Variants in NMRK1 observed in about 807,000 individuals in gnomAD.
NMRK1 encodes nicotinamide riboside kinase 1, also known as NRK 1.
In NMRK1, 28 loss-of-function variants were observed where a neutral mutation model predicts 29.9. That is an observed-to-expected ratio of 0.94 (90% CI 0.69 to 1.28). The LOEUF is 1.28. NMRK1 is among the 50% of genes most tolerant of loss of function. The probability of loss-of-function intolerance (pLI) is 0.00; values close to 1 mark genes in which losing one functional copy is unlikely to be tolerated. For missense variants in NMRK1, 218 were observed against 233.1 expected, an observed-to-expected ratio of 0.94 and a Z score of 0.42; for synonymous variants, 58 against 73.0, an observed-to-expected ratio of 0.79 and a Z score of 1.05.
At chr9:75,074,664 A>T (rs1823892413) in intron 4 of NMRK1, among the ~76,000 whole-genome samples, 1 of 152,192 alleles carries the variant, frequency 6.6e-6, no homozygotes, top group South Asian at 2.1e-4. Context: ...CTGGGCTTAC[A>T]GGTGTGAGCC....
chr9:75,071,141 T>G (rs926044103), intron 4 of NMRK1, among the ~76,000 whole-genome samples: 2 of 152,202 alleles, frequency 1.3e-5, no homozygotes, highest in African/African-American at 4.8e-5. Flanking sequence ...ATATGAATAT[T>G]AGATCTTTCA....
intron 2 of NMRK1, 87 bp downstream of exon 2, chr9:75,083,000 C>T: frequency 1.0e-6 from 1 of 962,192 alleles, no homozygotes; most frequent in Non-Finnish European, 1.7e-6. Flanking sequence ...ATCCTCACTG[C>T]TTCTCCGTCC....
At chr9:75,085,438 A>G (rs146267258) in intron 1 of NMRK1, among the ~76,000 whole-genome samples, 3 of 152,334 alleles carry the variant, frequency 2.0e-5, no homozygotes, top group African/African-American at 7.2e-5. Context: ...TGCTAGCTTA[A>G]TTGTCAGGCT....
At chr9:75,065,939 T>C (rs1395874355) in intron 8 of NMRK1, among the ~76,000 whole-genome samples, 6 of 152,234 alleles carry the variant, frequency 3.9e-5, no homozygotes, top group Non-Finnish European at 8.8e-5. Flanking sequence ...CTGGGACTGA[T>C]GGACCTAGGA....
chr9:75,084,086 C>T (rs986438548), intron 1 of NMRK1, among the ~76,000 whole-genome samples: 2 of 152,214 alleles, frequency 1.3e-5, no homozygotes, highest in East Asian at 1.9e-4. Context: ...GCCTCCCTAA[C>T]GTTCACTAAA....
intron 1 of NMRK1, among the ~76,000 whole-genome samples, chr9:75,083,739 G>T (rs1824455351): frequency 6.6e-6 from 1 of 152,168 alleles, no homozygotes; most frequent in South Asian, 2.1e-4. Flanking sequence ...GGCCTGGCTA[G>T]GTACATTTTT....
intron 6 of NMRK1, 195 bp downstream of exon 6, chr9:75,069,547 C>T (rs1434347617): frequency 1.4e-5 from 8 of 555,784 alleles, no homozygotes; most frequent in Non-Finnish European, 2.2e-5. Flanking sequence ...AGGCCCTTTT[C>T]TTAGAAAGTA....
chr9:75,084,037 G>A (rs1824475247), intron 1 of NMRK1, among the ~76,000 whole-genome samples: 1 of 152,198 alleles, frequency 6.6e-6, no homozygotes, highest in Admixed American at 6.5e-5. Context: ...ACTGTTTTGT[G>A]GATTTTTGGT....
chr9:75,068,186 C>T (rs1021559028), intron 7 of NMRK1, among the ~76,000 whole-genome samples: 2 of 152,164 alleles, frequency 1.3e-5, no homozygotes, highest in African/African-American at 2.4e-5. Context: ...TGAGTGCGGG[C>T]GTCCAACATC....
Position 75,069,993 on chromosome 9 carries a change from C to T in NMRK1, c.219G>A (p.Trp73Ter), listed in dbSNP as rs191532264. The change falls in exon 5 of 9, where the codon TGG becomes TGA. Residue 73 changes from tryptophan to a stop codon, truncating the protein, a stop_gained. Transcript: ENST00000361092. LOFTEE classifies it high-confidence loss of function. ...MEKMMSAISC[W>*]MESARHSVVS... Reference sequence around the variant, plus strand: ...CCACAGAGTGTCTTGCGCTTTCCATCCAGCAGGAAATGGCTGACATCATTT... The same window carrying T: ...CCACAGAGTGTCTTGCGCTTTCCATTCAGCAGGAAATGGCTGACATCATTT... The T allele has an allele frequency of 1.9e-4, 300 of 1,613,736 alleles. 1 individual carries two copies. Among genetic ancestry groups the T allele is most frequent in the Non-Finnish European group, 1.0e-5 (12 of 1,179,828 alleles).
At chr9:75,069,389 T>C (rs1373894288) in intron 6 of NMRK1, 1 of 474,198 alleles carries the variant, frequency 2.1e-6, no homozygotes, top group Admixed American at 3.8e-5. Context: ...TAAATAACAA[T>C]GGAGAGACCA....
At chr9:75,079,660 A>C (rs1467391602) in intron 2 of NMRK1, among the ~76,000 whole-genome samples, 2 of 152,224 alleles carry the variant, frequency 1.3e-5, no homozygotes, top group African/African-American at 4.8e-5. Context: ...ATCCACACTC[A>C]GACTGCAGAC....
intron 2 of NMRK1, chr9:75,078,264 G>C: frequency 6.5e-7 from 1 of 1,547,516 alleles, no homozygotes; most frequent in Non-Finnish European, 8.7e-7. Flanking sequence ...TATGGTCACT[G>C]TGATTTTGCC....
intron 4 of NMRK1, among the ~76,000 whole-genome samples, chr9:75,075,447 A>T (rs896551538): frequency 6.6e-6 from 1 of 152,222 alleles, no homozygotes; most frequent in African/African-American, 2.4e-5. Context: ...TGTCTGTAAG[A>T]ACTGATTGAT....
chr9:75,082,927 C>A, intron 2 of NMRK1, 160 bp downstream of exon 2: 1 of 610,480 alleles, frequency 1.6e-6, no homozygotes, highest in East Asian at 2.7e-5. Context: ...CTCTTGTTGG[C>A]ATTTATGAAG....
At chr9:75,066,694 T>C (rs1823370911) in intron 8 of NMRK1, 63 bp downstream of exon 8, 3 of 884,558 alleles carry the variant, frequency 3.4e-6, no homozygotes, top group East Asian at 2.4e-5. Context: ...TTCTTTCATA[T>C]GTAATGAATG....
intron 7 of NMRK1, among the ~76,000 whole-genome samples, chr9:75,068,614 G>A (rs557540410): frequency 1.8e-4 from 28 of 152,272 alleles, no homozygotes; most frequent in South Asian, 6.2e-4. Flanking sequence ...CCGGGATCTC[G>A]GCAGTCCCCT....
intron 8 of NMRK1, chr9:75,066,171 G>C (rs552341555): frequency 6.7e-6 from 3 of 450,848 alleles, no homozygotes; most frequent in South Asian, 5.0e-5. Flanking sequence ...TCCAACAATG[G>C]AACACTAGGC....
intron 2 of NMRK1, 199 bp downstream of exon 2, chr9:75,082,888 G>T (rs546728502): frequency 1.8e-6 from 1 of 560,992 alleles, no homozygotes; most frequent in East Asian, 3.0e-5. Flanking sequence ...TGACTCTTCT[G>T]TTTCTCTGTT....
Sources: allele counts gnomAD v4.1 joint callset (sites outside exome capture counted in the v4.1 genomes callset), GRCh38; gene constraint gnomAD v4.1.1; transcripts MANE v1.5; gene names NCBI Gene and HGNC (gene_info 2026-07-23, HGNC 2026-07-21).